The following IDE variants were observed in gnomAD, a reference collection of about 807,000 sequenced individuals.
IDE encodes the protein insulin-degrading enzyme.
A neutral mutation model predicts 133.2 loss-of-function variants in IDE; 58 were observed. That is an observed-to-expected ratio of 0.44 (90% CI 0.35 to 0.54). IDE has a LOEUF of 0.54. Ranked by LOEUF, IDE falls within the 20% of genes least tolerant of loss-of-function variation. The probability of loss-of-function intolerance (pLI) is 0.00; values close to 1 mark genes in which losing one functional copy is unlikely to be tolerated. For missense variants in IDE, 981 were observed against 1,234.0 expected (o/e 0.79, Z 3.07); for synonymous variants, 396 against 421.3 (o/e 0.94, Z 0.73).
chr10:92,573,787 G>GC (rs2135870215), intron 1 of IDE, 135 bp downstream of exon 1: 2 of 636,788 alleles, frequency 3.1e-6, no homozygotes, highest in East Asian at 6.9e-5. Flanking sequence ...GGCAGTACGG[G>GC]CCCCAGGCCG....
intron 15 of IDE, chr10:92,478,874 A>G (rs1485714367): frequency 1.8e-6 from 1 of 567,940 alleles, no homozygotes; most frequent in Non-Finnish European, 2.4e-6. Flanking sequence ...GAGTATGGAT[A>G]TGCAGCCTCA....
chr10:92,493,902 T>C (rs1479458335), intron 11 of IDE, among the ~76,000 whole-genome samples: 1 of 152,098 alleles, frequency 6.6e-6, no homozygotes, highest in African/African-American at 2.4e-5. Flanking sequence ...ATCAAACCCA[T>C]ATAGATACCT....
rs773083554 is a variant in IDE at position 92,452,539 on chromosome 10, T to C, written c.*1905A>G. ...TAGATCCAACCTGGAAATTGGAAAA[T>C]GCTGACGCATACCAAACAATTGCAG... is the stretch of plus-strand genomic sequence containing the variant. On this transcript the variant is annotated 3_prime_UTR_variant, in exon 25 of 25. Transcript: ENST00000265986. 1 of 152,198 alleles carries C rather than the reference T, an allele frequency of 6.6e-6. No individual in the cohort carries two copies. Among genetic ancestry groups the C allele is most frequent in the South Asian group, 2.1e-4 (1 of 4,828 alleles). 9.4% of individuals were successfully genotyped at this position (152,198 alleles called of 1,614,324 possible).
At chr10:92,515,551 G>A (rs1848866680) in intron 4 of IDE, among the ~76,000 whole-genome samples, 1 of 142,750 alleles carries the variant, frequency 7.0e-6, no homozygotes, top group Admixed American at 7.2e-5. Context: ...GAGCAACCGC[G>A]CACCCGGCCT....
At chr10:92,517,306 T>C (rs1385769957) in intron 4 of IDE, among the ~76,000 whole-genome samples, 1 of 152,210 alleles carries the variant, frequency 6.6e-6, no homozygotes, top group Non-Finnish European at 1.5e-5. Flanking sequence ...AGAAACAGCC[T>C]AGCAAGTAAC....
chr10:92,542,954 A>C (rs1474585786), intron 1 of IDE, among the ~76,000 whole-genome samples: 1 of 152,230 alleles, frequency 6.6e-6, no homozygotes, highest in African/African-American at 2.4e-5. Flanking sequence ...GTGACCTTTC[A>C]GTCTTTCTCA....
intron 11 of IDE, among the ~76,000 whole-genome samples, chr10:92,501,928 T>C (rs1289434274): frequency 6.6e-6 from 1 of 151,960 alleles, no homozygotes; most frequent in Non-Finnish European, 1.5e-5. Flanking sequence ...TAAGCCGAGA[T>C]TGCACCATTG....
chr10:92,531,927 C>A lies in IDE; in HGVS notation c.492-10G>T, dbSNP rs768247108. The stretch of plus-strand genomic sequence containing the variant: ...AAAAAACTGTGCAAACCTAAGGGTA[C>A]GAAACATAATTAAAACTTGAAAGAT... On this transcript the variant is annotated splice_polypyrimidine_tract_variant and intron_variant, in intron 3 of 24. Transcript: ENST00000265986. 4 of 1,468,914 alleles carry A rather than the reference C, an allele frequency of 2.7e-6. No individual in the cohort carries two copies. Among genetic ancestry groups the A allele is most frequent in the African/African-American group, 1.4e-5 (1 of 70,606 alleles). The allele number at this position is 1,468,914 out of a possible 1,614,324, so 91.0% of individuals were successfully genotyped here. A position where few individuals can be genotyped will look rare whatever the true frequency, so the allele number is the denominator to read the frequency against.
chr10:92,490,804 A>G (rs1002797712), intron 11 of IDE, among the ~76,000 whole-genome samples: 3 of 152,190 alleles, frequency 2.0e-5, no homozygotes, highest in Non-Finnish European at 2.9e-5. Flanking sequence ...GTTACAGTCC[A>G]TTATTTTTAG....
chr10:92,525,177 C>T (rs182060327), intron 4 of IDE, among the ~76,000 whole-genome samples: 266 of 151,390 alleles, frequency 1.8e-3, no homozygotes, highest in Non-Finnish European at 2.9e-3. Flanking sequence ...CACTTGAACC[C>T]GGGAGGCAGA....
At chr10:92,458,807 C>CT (rs1365554929) in intron 22 of IDE, among the ~76,000 whole-genome samples, 3 of 151,468 alleles carry the variant, frequency 2.0e-5, no homozygotes, top group Admixed American at 6.6e-5. Context: ...GCCCCTCTCT[C>CT]TTTTTTTTGA....
intron 4 of IDE, among the ~76,000 whole-genome samples, chr10:92,517,688 C>T (rs1393600982): frequency 6.6e-6 from 1 of 152,166 alleles, no homozygotes; most frequent in Non-Finnish European, 1.5e-5. Flanking sequence ...TCAAGCTGGG[C>T]ACAGTGGATC....
intron 1 of IDE, among the ~76,000 whole-genome samples, chr10:92,568,321 TG>T (rs1843645343): frequency 6.6e-6 from 1 of 152,162 alleles, no homozygotes; most frequent in Non-Finnish European, 1.5e-5. Context: ...CTTGCATGAC[TG>T]CCATTCAGCA....
intron 4 of IDE, among the ~76,000 whole-genome samples, chr10:92,528,774 T>C (rs889367373): frequency 1.3e-5 from 2 of 152,270 alleles, no homozygotes; most frequent in East Asian, 3.9e-4. Flanking sequence ...ATTATTATTT[T>C]AAATCAAAAT....
At chr10:92,524,785 T>C (rs1462116231) in intron 4 of IDE, among the ~76,000 whole-genome samples, 1 of 149,468 alleles carries the variant, frequency 6.7e-6, no homozygotes, top group African/African-American at 2.5e-5. Context: ...TAACCAGATG[T>C]GGTAATGGGC....
intron 12 of IDE, 48 bp from the exon 13 acceptor site, chr10:92,487,366 A>T (rs1379984757): frequency 1.3e-6 from 2 of 1,505,720 alleles, no homozygotes; most frequent in East Asian, 2.3e-5. Flanking sequence ...CTGATTTAAG[A>T]GTTTAAAATA....
intron 4 of IDE, among the ~76,000 whole-genome samples, chr10:92,524,375 T>A (rs1423186998): frequency 1.7e-3 from 25 of 14,306 alleles, no homozygotes; most frequent in South Asian, 3.2e-3. Context: ...ATAATATATA[T>A]TATATATAAT....
chr10:92,466,255 AG>A (rs1845680062), intron 19 of IDE, among the ~76,000 whole-genome samples: 1 of 146,152 alleles, frequency 6.8e-6, no homozygotes, highest in African/African-American at 2.5e-5. Flanking sequence ...AAAAAAAAGC[AG>A]AGAGAGAGGA....
At chr10:92,501,097 T>G (rs1283254357) in intron 11 of IDE, among the ~76,000 whole-genome samples, 5 of 149,788 alleles carry the variant, frequency 3.3e-5, no homozygotes, top group Non-Finnish European at 5.9e-5. Context: ...CAGTGGCACA[T>G]GCCTGTAATC....
Sources: gnomAD v4.1 joint callset for allele counts (sites outside exome capture counted in the v4.1 genomes callset) on GRCh38, gnomAD v4.1.1 for gene constraint, MANE v1.5 for transcripts, NCBI Gene and HGNC (gene_info 2026-07-23, HGNC 2026-07-21) for gene names.